The following SBK1 variants were observed in gnomAD, a reference collection of about 807,000 sequenced individuals.
The protein encoded by SBK1 is serine/threonine-protein kinase SBK1.
A neutral mutation model predicts 24.4 loss-of-function variants in SBK1; 11 were observed. The ratio of observed to expected loss-of-function variants is 0.45; its 90% confidence interval spans 0.28 to 0.75. The LOEUF (loss-of-function observed/expected upper bound fraction) is 0.75. SBK1 is among the 30% of genes least tolerant of loss of function. SBK1 has a pLI of 0.12. For missense variants in SBK1, 467 were observed against 620.5 expected (o/e 0.75, Z 2.63); for synonymous variants, 308 against 284.4 (o/e 1.08, Z -0.83).
chr16:28,320,910 A>T lies in SBK1; in HGVS notation c.1264A>T (p.Ile422Phe). ...GGTGGTGCTGGCCACGGCCATCGAG[A>T]TCTGCGTCTGAGTCGCCTCCGCCGC... Reference protein sequence around the residue: ...GQVVLATAIEICV With the variant: ...GQVVLATAIEFCV The change falls in exon 4 of 4, where the codon ATC (isoleucine) becomes TTC (phenylalanine). Residue 422 changes from isoleucine to phenylalanine, a missense_variant. By Grantham distance (21) the Ile-to-Phe change is conservative (BLOSUM62 0). This residue lies in a region of SBK1 where 166 missense variants were observed against 146.8 expected (regional missense o/e 1.13). Transcript: ENST00000341901. This position sits in a 1 kb window ranked among gnomAD's most constrained non-coding sequence, Gnocchi z 8.5. 6.7e-7 allele frequency: 1 copy of T among 1,484,442 alleles called. No homozygotes were observed. Among genetic ancestry groups the T allele is most frequent in the South Asian group, 1.2e-5 (1 of 81,952 alleles). 92.0% of individuals were successfully genotyped at this position (1,484,442 alleles called of 1,614,324 possible). A position where few individuals can be genotyped will look rare whatever the true frequency, so the allele number is the denominator to read the frequency against.
At chr16:28,297,174 AC>A (rs2044646637) in intron 1 of SBK1, among the ~76,000 whole-genome samples, 1 of 152,142 alleles carries the variant, frequency 6.6e-6, no homozygotes, top group African/African-American at 2.4e-5. Flanking sequence ...TACTAAAAAT[AC>A]AAAAAATTAG....
chr16:28,268,839 A>G (rs1030230353), intron 1 of SBK1, among the ~76,000 whole-genome samples: 4 of 152,092 alleles, frequency 2.6e-5, no homozygotes, highest in African/African-American at 9.7e-5. Flanking sequence ...CAACCTATAG[A>G]GAAGCTCAAG....
chr16:28,321,781 C>A lies in SBK1; in HGVS notation c.*860C>A, dbSNP rs1032436736. 2 of 152,382 alleles carry A rather than the reference C, an allele frequency of 1.3e-5. No homozygotes were observed. The highest frequency in any genetic ancestry group is 2.9e-5 in the Non-Finnish European group (2 of 68,106). The allele number at this position is 152,382 out of a possible 1,614,324, so 9.4% of individuals were successfully genotyped here. ...CACAGGGCAGGGGTCTCAGCTGCCCCCATCCTTAGGGCAGGGGAGTTAGTG... is the reference window on the plus strand; with the variant it reads ...CACAGGGCAGGGGTCTCAGCTGCCCACATCCTTAGGGCAGGGGAGTTAGTG... On this transcript the variant is annotated 3_prime_UTR_variant, in exon 4 of 4. Coordinates refer to ENST00000341901, the MANE Select transcript of SBK1 (RefSeq NM_001024401.3).
intron 1 of SBK1, among the ~76,000 whole-genome samples, chr16:28,307,195 G>C (rs977707860): frequency 6.6e-6 from 1 of 152,140 alleles, no homozygotes; most frequent in Non-Finnish European, 1.5e-5. Context: ...CCGACACTCA[G>C]GGAACCCCTG....
rs370937016 is a variant in SBK1, at chr16:28,294,283, G to T, written c.-8+983G>T. Among the ~76,000 whole-genome samples the T allele has an allele frequency of 4.6e-5, 7 of 152,264 alleles. No individual in the cohort carries two copies. The East Asian group carries it at 9.7e-4, about 21-fold the overall frequency. ...ATCCTGAATCAGATCCTGAGAAGGG[G>T]CTGGACTGCATGGAAAGAACACACT... is the stretch of plus-strand genomic sequence containing the variant. On this transcript the variant is annotated intron_variant, in intron 1 of 3. Coordinates refer to ENST00000341901, the MANE Select transcript of SBK1 (RefSeq NM_001024401.3).
chr16:28,280,139 A>G lies in SBK1; in HGVS notation c.257+20637A>G, dbSNP rs1377603607. Among the ~76,000 whole-genome samples the G allele has an allele frequency of 3.1e-3, 184 of 58,622 alleles. 2 individuals are homozygous for G. The highest frequency in any genetic ancestry group is 6.4e-3 in the Non-Finnish European group (145 of 22,716). The allele number at this position is 58,622 out of a possible 152,430, so 38.5% of individuals were successfully genotyped here. On this transcript the variant is annotated intron_variant, in intron 1 of 3. Transcript: ENST00000671413. ...ACTATATATATATATATATATATATATATATATATATGTGTGTGTGTGTGT... is the reference window on the plus strand; with the variant it reads ...ACTATATATATATATATATATATATGTATATATATATGTGTGTGTGTGTGT...
intron 1 of SBK1, among the ~76,000 whole-genome samples, chr16:28,301,166 G>T (rs993655931): frequency 1.3e-5 from 2 of 152,218 alleles, no homozygotes; most frequent in African/African-American, 4.8e-5. Flanking sequence ...GCCTCACCCA[G>T]GCAGCCAGGC....
intron 1 of SBK1, among the ~76,000 whole-genome samples, chr16:28,272,166 C>T (rs189003837): frequency 6.6e-6 from 1 of 152,252 alleles, no homozygotes; most frequent in African/African-American, 2.4e-5. Flanking sequence ...ATCTCCTGGG[C>T]TCAAGCAATC....
At chr16:28,275,196 G>T (rs2141563858) in intron 1 of SBK1, among the ~76,000 whole-genome samples, 1 of 152,030 alleles carries the variant, frequency 6.6e-6, no homozygotes, top group East Asian at 1.9e-4. Context: ...CAGTCACTGG[G>T]GCTTGTGCCT....
At chr16:28,261,205 A>G (rs1026086063) in intron 1 of SBK1, among the ~76,000 whole-genome samples, 3 of 152,164 alleles carry the variant, frequency 2.0e-5, no homozygotes, top group African/African-American at 7.2e-5. Context: ...CTCCTAAGCA[A>G]TGGTCTCATG....
intron 1 of SBK1, among the ~76,000 whole-genome samples, chr16:28,312,568 G>A (rs1289565417): frequency 6.6e-6 from 1 of 152,212 alleles, no homozygotes; most frequent in Non-Finnish European, 1.5e-5. Flanking sequence ...GGGCATGTGG[G>A]ACCGGGTTCT....
rs1474575167 is a variant in SBK1, at chr16:28,320,931, G to A, written c.*10G>A. The A allele has an allele frequency of 1.7e-5, 25 of 1,431,154 alleles. No homozygotes were observed. The highest frequency in any genetic ancestry group is 2.5e-5 in the Admixed American group (1 of 40,166). The allele number at this position is 1,431,154 out of a possible 1,614,324, so 88.7% of individuals were successfully genotyped here. A position where few individuals can be genotyped will look rare whatever the true frequency, so the allele number is the denominator to read the frequency against. On this transcript the variant is annotated 3_prime_UTR_variant, in exon 4 of 4. Transcript: ENST00000341901. This position sits in a 1 kb window ranked among gnomAD's most constrained non-coding sequence, Gnocchi z 8.5. The stretch of plus-strand genomic sequence containing the variant: ...CGAGATCTGCGTCTGAGTCGCCTCC[G>A]CCGCCCTCGGACCCGGGAGCAGCCC...
rs1230385223 is a variant in SBK1, at chr16:28,280,149, A to ATATGTGTGTGTGTGTGTGTGTG, written c.257+20648_257+20649insATGTGTGTGTGTGTGTGTGTGT. 2.1e-3 allele frequency among the ~76,000 whole-genome samples: 84 copies of ATATGTGTGTGTGTGTGTGTGTG among 39,308 alleles called. 1 individual carries two copies. Among genetic ancestry groups the ATATGTGTGTGTGTGTGTGTGTG allele is most frequent in the Non-Finnish European group, 3.7e-3 (69 of 18,422 alleles). The allele number at this position is 39,308 out of a possible 152,430, so 25.8% of individuals were successfully genotyped here. Reference sequence around the variant, plus strand: ...TATATATATATATATATATATATATATGTGTGTGTGTGTGTGTGTGTGTAT... The same window carrying ATATGTGTGTGTGTGTGTGTGTG: ...TATATATATATATATATATATATATATATGTGTGTGTGTGTGTGTGTGTGTGTGTGTGTGTGTGTGTGTGTAT... On this transcript the variant is annotated intron_variant, in intron 1 of 3. Transcript: ENST00000671413.
intron 1 of SBK1, chr16:28,284,827 A>G (rs1193113779): frequency 4.6e-5 from 7 of 152,206 alleles, no homozygotes; most frequent in Admixed American, 4.6e-4. Flanking sequence ...ATTTTAAAAC[A>G]CTTCCATGGA....
intron 1 of SBK1, among the ~76,000 whole-genome samples, chr16:28,306,142 C>A (rs2044714847): frequency 6.6e-6 from 1 of 152,118 alleles, no homozygotes; most frequent in Non-Finnish European, 1.5e-5. Context: ...AGATCTAGCC[C>A]CAGGACTGTT....
At chr16:28,262,124 G>T (rs896665743) in intron 1 of SBK1, among the ~76,000 whole-genome samples, 1 of 152,222 alleles carries the variant, frequency 6.6e-6, no homozygotes, top group Non-Finnish European at 1.5e-5. Context: ...GGGAGGGTGG[G>T]ACAGAAGGCT....
intron 1 of SBK1, among the ~76,000 whole-genome samples, chr16:28,312,707 AG>A (rs1048268969): frequency 3.3e-5 from 5 of 152,238 alleles, no homozygotes; most frequent in Admixed American, 2.0e-4. Flanking sequence ...CTGTTGGAAC[AG>A]GGGCAAGGAG....
intron 1 of SBK1, among the ~76,000 whole-genome samples, chr16:28,277,032 G>C (rs527904002): frequency 5.3e-5 from 8 of 152,032 alleles, no homozygotes; most frequent in East Asian, 3.9e-4. Flanking sequence ...CAGAGCAGAG[G>C]GGGGAGTGCC....
At chr16:28,277,872 G>GGGC (rs2044503870) in intron 1 of SBK1, among the ~76,000 whole-genome samples, 2 of 152,244 alleles carry the variant, frequency 1.3e-5, no homozygotes, top group Admixed American at 1.3e-4. Context: ...GGCCACTAGA[G>GGGC]GGCGTGTTGT....
Sources: gnomAD v4.1 joint callset for allele counts (sites outside exome capture counted in the v4.1 genomes callset) on GRCh38, gnomAD v4.1.1 for gene constraint, gnomAD v4.1.1 regional missense constraint, Gnocchi (gnomAD v3.1) non-coding constraint, MANE v1.5 for transcripts, NCBI Gene and HGNC (gene_info 2026-07-23, HGNC 2026-07-21) for gene names.